CUL1: variants seen among roughly 807,000 people sequenced by gnomAD.
CUL1 encodes cullin 1.
A neutral mutation model predicts 118.0 loss-of-function variants in CUL1; 24 were observed. The ratio of observed to expected loss-of-function variants is 0.20; its 90% CI spans 0.15 to 0.29. The LOEUF is 0.29. CUL1 is among the 10% of genes least tolerant of loss of function. CUL1 has a pLI of 1.00. For missense variants in CUL1, 361 were observed against 933.8 expected (o/e 0.39, Z 7.99); for synonymous variants, 332 against 340.4 (o/e 0.98, Z 0.27).
At chr7:148,743,167 C>T (rs971388043) in intron 2 of CUL1, among the ~76,000 whole-genome samples, 1 of 152,100 alleles carries the variant, frequency 6.6e-6, no homozygotes, top group Non-Finnish European at 1.5e-5. Flanking sequence ...TGTATTGAAA[C>T]GTGTTCAGTG....
Position 148,754,057 on chromosome 7 carries a change from G to A in CUL1, c.222G>A (p.Lys74=), listed in dbSNP as rs1488245060. The change falls in exon 3 of 22, where the codon AAG becomes AAA. Residue 74 remains lysine (K), a synonymous_variant. Coordinates refer to ENST00000325222, the MANE Select transcript of CUL1 (RefSeq NM_003592.3). ...GAGTTCCTCCTTCTAAGTCGAAAAA[G>A]GGGCAGACACCTGGAGGAGCTCAGT... ...GAGVPPSKSK[K]GQTPGGAQFV... is the part of the protein sequence containing the mutation. 2.5e-6 allele frequency: 4 copies of A among 1,613,866 alleles called. No homozygotes were observed. Among genetic ancestry groups the A allele is most frequent in the Admixed American group, 3.3e-5 (2 of 59,996 alleles).
At chr7:148,747,502 G>GCCTTA (rs1316943052) in intron 2 of CUL1, among the ~76,000 whole-genome samples, 1 of 152,200 alleles carries the variant, frequency 6.6e-6, no homozygotes, top group East Asian at 1.9e-4. Flanking sequence ...AGGAAACAAA[G>GCCTTA]CCTTACACCT....
intron 7 of CUL1, among the ~76,000 whole-genome samples, chr7:148,761,749 C>T (rs1171212211): frequency 6.6e-6 from 1 of 152,130 alleles, no homozygotes; most frequent in African/African-American, 2.4e-5. Flanking sequence ...CAGAAAAAGG[C>T]AGGCAGGCAG....
chr7:148,767,599 G>T lies in CUL1; in HGVS notation c.953-20G>T. On this transcript the variant is annotated intron_variant, in intron 8 of 21. Transcript: ENST00000325222. The stretch of plus-strand genomic sequence containing the variant: ...GCAAAATTTTTTTCAGTGCATAAAA[G>T]GGGTTTCTTCCTCTTTCAGATTTGG... 1 of 1,612,280 alleles carries T rather than the reference G, an allele frequency of 6.2e-7. No homozygotes were observed. Among genetic ancestry groups the T allele is most frequent in the Non-Finnish European group, 8.5e-7 (1 of 1,179,344 alleles).
chr7:148,769,049 A>G (rs1403779686), intron 9 of CUL1, among the ~76,000 whole-genome samples: 1 of 152,088 alleles, frequency 6.6e-6, no homozygotes, highest in Non-Finnish European at 1.5e-5. Flanking sequence ...CGGCACATAC[A>G]GTGTCTTTAC....
intron 9 of CUL1, among the ~76,000 whole-genome samples, chr7:148,782,342 G>A (rs2089565322): frequency 6.6e-6 from 1 of 152,208 alleles, no homozygotes; most frequent in South Asian, 2.1e-4. Flanking sequence ...AGACCATCCA[G>A]GCAAAGTGGA....
rs150951239 is a variant in CUL1, at chr7:148,728,860, A to G, written c.-161-1102A>G. Among the ~76,000 whole-genome samples, 166 of 152,314 alleles carry G rather than the reference A, an allele frequency of 1.1e-3. No homozygotes were observed. In the East Asian group the frequency reaches 0.024, roughly 22 times the overall value. ...TCTGTAATGCCATTGAGGATATAGG[A>G]TGAGCTGAATTACTTGACAAGGTAA... On this transcript the variant is annotated intron_variant, in intron 1 of 21. Coordinates refer to ENST00000325222, the MANE Select transcript of CUL1 (RefSeq NM_003592.3).
intron 1 of CUL1, among the ~76,000 whole-genome samples, chr7:148,720,820 A>T (rs187827515): frequency 8.5e-5 from 13 of 152,342 alleles, no homozygotes; most frequent in Non-Finnish European, 1.8e-4. Flanking sequence ...GCCACAACAG[A>T]TCTGGTGGCT....
At chr7:148,711,227 C>T (rs918591099) in intron 1 of CUL1, among the ~76,000 whole-genome samples, 1 of 152,134 alleles carries the variant, frequency 6.6e-6, no homozygotes, top group African/African-American at 2.4e-5. Flanking sequence ...TCCATAATTT[C>T]GGAAAATACT....
chr7:148,793,889 C>G (rs1366267030), intron 17 of CUL1, among the ~76,000 whole-genome samples: 2 of 152,112 alleles, frequency 1.3e-5, no homozygotes, highest in Admixed American at 6.5e-5. Flanking sequence ...TCAGTTTCTC[C>G]ATATCCTCAC....
chr7:148,744,775 T>C (rs1234996649), intron 2 of CUL1, among the ~76,000 whole-genome samples: 1 of 152,248 alleles, frequency 6.6e-6, no homozygotes, highest in African/African-American at 2.4e-5. Flanking sequence ...CCACCCAAAA[T>C]GCAGGTCTCT....
At chr7:148,793,626 C>T (rs1801090555) in intron 17 of CUL1, among the ~76,000 whole-genome samples, 1 of 152,156 alleles carries the variant, frequency 6.6e-6, no homozygotes, top group South Asian at 2.1e-4. Flanking sequence ...TGTGTTGGTA[C>T]TTCATTTCTT....
intron 1 of CUL1, among the ~76,000 whole-genome samples, chr7:148,727,712 G>A (rs1328639656): frequency 6.6e-6 from 1 of 152,084 alleles, no homozygotes; most frequent in Non-Finnish European, 1.5e-5. Context: ...AACTCTCTAG[G>A]CAGAAGCAGT....
intron 1 of CUL1, among the ~76,000 whole-genome samples, chr7:148,702,952 C>T (rs879619017): frequency 2.0e-5 from 3 of 152,170 alleles, no homozygotes; most frequent in Admixed American, 1.3e-4. Flanking sequence ...TTACAGTGCC[C>T]TCTGAAGTGT....
chr7:148,726,089 C>T (rs1798573174), intron 1 of CUL1, among the ~76,000 whole-genome samples: 1 of 152,176 alleles, frequency 6.6e-6, no homozygotes, highest in Non-Finnish European at 1.5e-5. Flanking sequence ...AGCAAGTAAA[C>T]TTGACGAGTG....
chr7:148,755,268 T>G (rs1333432351), intron 3 of CUL1, among the ~76,000 whole-genome samples: 1 of 152,192 alleles, frequency 6.6e-6, no homozygotes, highest in Non-Finnish European at 1.5e-5. Context: ...AGCCACAAGA[T>G]GAGCAAGTGG....
Position 148,772,976 on chromosome 7 carries a change from A to AT in CUL1, c.1083+5231dup, listed in dbSNP as rs3839702. Reference sequence around the variant, plus strand: ...CCTTGGCTCTTACTGTTTTCTATGCATTTTCTCTCCAGTCCCAAGGCTACC... The same window carrying AT: ...CCTTGGCTCTTACTGTTTTCTATGCATTTTTCTCTCCAGTCCCAAGGCTACC... On this transcript the variant is annotated intron_variant, in intron 9 of 21. Transcript: ENST00000325222. Among the ~76,000 whole-genome samples, 68 of 151,410 alleles carry AT rather than the reference A, an allele frequency of 4.5e-4. No homozygotes were observed. In the East Asian group the frequency reaches 0.01, roughly 23 times the overall value.
At chr7:148,729,545 T>A (rs1318041224) in intron 1 of CUL1, among the ~76,000 whole-genome samples, 2 of 152,202 alleles carry the variant, frequency 1.3e-5, no homozygotes, top group Non-Finnish European at 2.9e-5. Flanking sequence ...CTACTAAAAG[T>A]CATAGGTAAC....
At chr7:148,706,193 A>C (rs1240334507) in intron 1 of CUL1, among the ~76,000 whole-genome samples, 1 of 152,204 alleles carries the variant, frequency 6.6e-6, no homozygotes, top group Non-Finnish European at 1.5e-5. Flanking sequence ...GATACCTCAA[A>C]TATTCCAAAA....
Sources: gnomAD v4.1 joint callset for allele counts (sites outside exome capture counted in the v4.1 genomes callset) on GRCh38, gnomAD v4.1.1 for gene constraint, MANE v1.5 for transcripts, NCBI Gene and HGNC (gene_info 2026-07-23, HGNC 2026-07-21) for gene names.